TLN2: variants seen among roughly 807,000 people sequenced by gnomAD.
The protein encoded by TLN2 is talin-2.
In TLN2, 118 loss-of-function variants were observed where a neutral mutation model predicts 294.7. That is an observed-to-expected ratio of 0.40 (90% CI 0.34 to 0.47). TLN2 has a LOEUF of 0.47. Among genes scored for constraint, TLN2 ranks in the 20% least tolerant of loss-of-function variants. The probability of loss-of-function intolerance (pLI) is 0.84; values close to 1 mark genes in which losing one functional copy is unlikely to be tolerated. For missense variants in TLN2, 3,083 were observed against 3,282.2 expected (o/e 0.94, Z 1.48); for synonymous variants, 1,431 against 1,304.5 (o/e 1.10, Z -2.09).
chr15:62,530,122 C>T (rs914160362), intron 1 of TLN2, among the ~76,000 whole-genome samples: 12 of 152,094 alleles, frequency 7.9e-5, no homozygotes, highest in African/African-American at 2.4e-4. Flanking sequence ...ACCCGAGAGG[C>T]GCAGGTTGCA....
chr15:62,649,121 C>A (rs1317545018), intron 4 of TLN2, among the ~76,000 whole-genome samples: 1 of 152,198 alleles, frequency 6.6e-6, no homozygotes, highest in African/African-American at 2.4e-5. Context: ...GGATTACAGG[C>A]GTGAGCAACT....
chr15:62,575,964 G>A (rs1346801938), intron 1 of TLN2, among the ~76,000 whole-genome samples: 2 of 152,128 alleles, frequency 1.3e-5, no homozygotes, highest in Non-Finnish European at 2.9e-5. Flanking sequence ...GTCTTATTCT[G>A]TTTATTTGTG....
intron 51 of TLN2, among the ~76,000 whole-genome samples, chr15:62,806,686 T>C (rs905751712): frequency 3.9e-5 from 6 of 152,168 alleles, no homozygotes; most frequent in Non-Finnish European, 8.8e-5. Context: ...ATTTTTGATC[T>C]ATTAGGAAAG....
intron 8 of TLN2, among the ~76,000 whole-genome samples, chr15:62,656,635 T>G (rs571308977): frequency 1.3e-5 from 2 of 152,202 alleles, no homozygotes; most frequent in Non-Finnish European, 2.9e-5. Context: ...ATCATCCATC[T>G]TTGTCCTCTC....
chr15:62,615,402 T>C (rs2048233319), intron 2 of TLN2, among the ~76,000 whole-genome samples: 1 of 152,238 alleles, frequency 6.6e-6, no homozygotes, highest in South Asian at 2.1e-4. Flanking sequence ...CACACTACTC[T>C]AGCAGGCCTA....
At chr15:62,562,578 A>G (rs2043052141) in intron 1 of TLN2, among the ~76,000 whole-genome samples, 1 of 150,538 alleles carries the variant, frequency 6.6e-6, no homozygotes, top group Non-Finnish European at 1.5e-5. Context: ...TTTGGGGAAC[A>G]GGTGGTGTTT....
At chr15:62,765,161 A>G (rs1212443930) in intron 40 of TLN2, among the ~76,000 whole-genome samples, 1 of 151,872 alleles carries the variant, frequency 6.6e-6, no homozygotes, top group Non-Finnish European at 1.5e-5. Flanking sequence ...TTAACAAACC[A>G]TCTGTAATAA....
chr15:62,719,521 C>T (rs772742702), intron 24 of TLN2, among the ~76,000 whole-genome samples: 6 of 152,072 alleles, frequency 3.9e-5, no homozygotes, highest in Admixed American at 2.0e-4. Flanking sequence ...CAATCATCTT[C>T]GAAGGAATGT....
In TLN2 at chr15:62,648,454, A is replaced by G. The variant is rs185816293; in HGVS notation, c.136+1008A>G. On this transcript the variant is annotated intron_variant, in intron 4 of 58. Transcript: ENST00000636159. ...AGGAAGAATAAAAATCAAACATCAC[A>G]AGGGTAATTATAAATACAAAAATAT... is the stretch of plus-strand genomic sequence containing the variant. Among the ~76,000 whole-genome samples, 104 of 150,826 alleles carry G rather than the reference A, an allele frequency of 6.9e-4. No homozygotes were observed. In the Middle Eastern group the frequency reaches 0.01, roughly 15 times the overall value.
intron 51 of TLN2, among the ~76,000 whole-genome samples, chr15:62,807,316 T>G (rs1291645634): frequency 6.6e-6 from 1 of 152,224 alleles, no homozygotes; most frequent in Non-Finnish European, 1.5e-5. Context: ...TTCTCTCATT[T>G]GATCCCATAT....
intron 1 of TLN2, among the ~76,000 whole-genome samples, chr15:62,494,391 C>G (rs2038911701): frequency 6.6e-6 from 1 of 152,106 alleles, no homozygotes; most frequent in African/African-American, 2.4e-5. Context: ...GGGATTTGTA[C>G]ATGGTGTTAA....
intron 3 of TLN2, among the ~76,000 whole-genome samples, chr15:62,623,041 G>A (rs2140864237): frequency 6.6e-6 from 1 of 152,314 alleles, no homozygotes; most frequent in East Asian, 1.9e-4. Context: ...GATCAACGTG[G>A]CCTCCAGTCC....
At chr15:62,499,301 T>G (rs2039178906) in intron 1 of TLN2, among the ~76,000 whole-genome samples, 1 of 151,772 alleles carries the variant, frequency 6.6e-6, no homozygotes, top group Admixed American at 6.6e-5. Context: ...AATACGAAAA[T>G]TAGCCAGGCG....
At chr15:62,776,662 T>G in intron 42 of TLN2, 102 bp from the exon 43 acceptor site, 5 of 1,107,966 alleles carry the variant, frequency 4.5e-6, no homozygotes, top group Non-Finnish European at 5.8e-6. Flanking sequence ...CTGTGCTCCA[T>G]TGTGGGGGTA....
At chr15:62,825,863 T>TATA (rs2068138037) in intron 54 of TLN2, among the ~76,000 whole-genome samples, 1 of 94,640 alleles carries the variant, frequency 1.1e-5, no homozygotes, top group East Asian at 2.7e-4. Flanking sequence ...TATATATATA[T>TATA]ATATTTATAT....
At chr15:62,720,755 A>G (rs767321506) in intron 25 of TLN2, among the ~76,000 whole-genome samples, 2 of 150,184 alleles carry the variant, frequency 1.3e-5, no homozygotes, top group Non-Finnish European at 3.0e-5. Flanking sequence ...AGTGTTTATG[A>G]TTTTGAATAA....
intron 1 of TLN2, among the ~76,000 whole-genome samples, chr15:62,573,903 T>C (rs2044151960): frequency 6.6e-6 from 1 of 151,976 alleles, no homozygotes; most frequent in Admixed American, 6.6e-5. Context: ...CTCACAACTA[T>C]CTGATGAAAG....
intron 54 of TLN2, chr15:62,828,961 A>AGTAGTGT (rs1411314551): frequency 6.6e-6 from 1 of 152,110 alleles, no homozygotes. Context: ...TTTCCTACAG[A>AGTAGTGT]GTAGTGTGTA....
At chr15:62,464,890 C>G (rs1017278994) in intron 1 of TLN2, among the ~76,000 whole-genome samples, 14 of 152,146 alleles carry the variant, frequency 9.2e-5, no homozygotes, top group African/African-American at 3.4e-4. Context: ...CTAAATCACT[C>G]AGCATCTTGA....
Sources: allele counts gnomAD v4.1 joint callset (sites outside exome capture counted in the v4.1 genomes callset), GRCh38; gene constraint gnomAD v4.1.1; transcripts MANE v1.5; gene names NCBI Gene and HGNC (gene_info 2026-07-23, HGNC 2026-07-21).